TBL1XR1: variants seen among roughly 807,000 people sequenced by gnomAD.
TBL1XR1 encodes F-box-like/WD repeat-containing protein TBL1XR1.
In TBL1XR1, 5 loss-of-function variants were observed where a neutral mutation model predicts 66.9. That is an observed-to-expected ratio of 0.07 (90% CI 0.04 to 0.16). The LOEUF (loss-of-function observed/expected upper bound fraction) is 0.16. TBL1XR1 is among the 10% of genes least tolerant of loss of function. TBL1XR1 has a pLI of 1.00. For missense variants in TBL1XR1, 238 were observed against 623.2 expected (o/e 0.38, Z 6.58); for synonymous variants, 210 against 206.0 (o/e 1.02, Z -0.17).
At chr3:177,181,025 G>A (rs1285208332) in intron 1 of TBL1XR1, among the ~76,000 whole-genome samples, 3 of 151,986 alleles carry the variant, frequency 2.0e-5, no homozygotes, top group Admixed American at 6.6e-5. Context: ...GTGACCCATG[G>A]CACTGGACCC....
chr3:177,122,436 A>G (rs991604104), intron 1 of TBL1XR1, among the ~76,000 whole-genome samples: 5 of 152,138 alleles, frequency 3.3e-5, no homozygotes, highest in African/African-American at 1.2e-4. Flanking sequence ...TGAAAATTGC[A>G]AAGTAATGAC....
At chr3:177,132,539 AG>A (rs1728429575) in intron 1 of TBL1XR1, among the ~76,000 whole-genome samples, 1 of 152,202 alleles carries the variant, frequency 6.6e-6, no homozygotes, top group Non-Finnish European at 1.5e-5. Context: ...CTGTTAACAG[AG>A]ATGGGGGGAA....
At chr3:177,084,087 C>CAAAAAAAA (rs36022409) in intron 2 of TBL1XR1, among the ~76,000 whole-genome samples, 1 of 74,064 alleles carries the variant, frequency 1.4e-5, no homozygotes, top group African/African-American at 5.1e-5. Context: ...GACTCCGTCT[C>CAAAAAAAA]AAAAAAAAAA....
In TBL1XR1 at chr3:177,140,910, T is replaced by C. The variant is rs541188904; in HGVS notation, c.-121-42369A>G. Reference sequence around the variant, plus strand: ...GAGATTTTTTTGCGATTTTGTTTTCTAGCTCATCACCTATCATTAGTGTAT... The same window carrying C: ...GAGATTTTTTTGCGATTTTGTTTTCCAGCTCATCACCTATCATTAGTGTAT... On this transcript the variant is annotated intron_variant, in intron 1 of 15. Coordinates refer to ENST00000457928, the MANE Select transcript of TBL1XR1 (RefSeq NM_024665.7). 2.6e-5 allele frequency among the ~76,000 whole-genome samples: 4 copies of C among 152,378 alleles called. No individual in the cohort carries two copies. In the South Asian group the frequency reaches 8.3e-4, roughly 32 times the overall value.
intron 13 of TBL1XR1, 22 bp from the exon 14 acceptor site, chr3:177,033,158 G>A (rs1353859231): frequency 6.7e-7 from 1 of 1,492,806 alleles, no homozygotes; most frequent in Non-Finnish European, 9.0e-7. Context: ...AGGAAAGAAA[G>A]TTAATTTATA....
chr3:177,138,884 C>T (rs1373568437), intron 1 of TBL1XR1, among the ~76,000 whole-genome samples: 4 of 152,132 alleles, frequency 2.6e-5, no homozygotes, highest in African/African-American at 7.2e-5. Flanking sequence ...GACTCCTCAC[C>T]CATACTCCCT....
chr3:177,093,558 C>T (rs1723094235), intron 2 of TBL1XR1, among the ~76,000 whole-genome samples: 1 of 152,146 alleles, frequency 6.6e-6, no homozygotes, highest in African/African-American at 2.4e-5. Flanking sequence ...CATCACATTA[C>T]CTGATCTCAA....
At chr3:177,098,433 G>A (rs571829712) in intron 2 of TBL1XR1, 33 bp downstream of exon 2, 1 of 974,658 alleles carries the variant, frequency 1.0e-6, no homozygotes, top group South Asian at 4.7e-5. Context: ...AAGAGAATAA[G>A]AAACACTGAC....
intron 1 of TBL1XR1, among the ~76,000 whole-genome samples, chr3:177,141,328 T>C (rs74687622): frequency 6.6e-6 from 1 of 152,210 alleles, no homozygotes; most frequent in Non-Finnish European, 1.5e-5. Flanking sequence ...TCTAAAAAGT[T>C]ATGGTAAGTC....
chr3:177,082,905 AC>A (rs1721614650), intron 2 of TBL1XR1, among the ~76,000 whole-genome samples: 1 of 150,774 alleles, frequency 6.6e-6, no homozygotes, highest in Non-Finnish European at 1.5e-5. Context: ...ACAGGCGACC[AC>A]CACCACATCT....
At chr3:177,091,180 A>C (rs937191741) in intron 2 of TBL1XR1, 8 of 152,162 alleles carry the variant, frequency 5.3e-5, no homozygotes, top group African/African-American at 1.9e-4. Flanking sequence ...CTGTAATCCC[A>C]CTGAGACGTG....
At chr3:177,038,519 T>C in intron 10 of TBL1XR1, 85 bp from the exon 11 acceptor site, 1 of 1,282,648 alleles carries the variant, frequency 7.8e-7, no homozygotes, top group Non-Finnish European at 1.0e-6. Context: ...TGTTGACTAA[T>C]AAAATATACT....
At chr3:177,095,275 C>T (rs1483295388) in intron 2 of TBL1XR1, among the ~76,000 whole-genome samples, 2 of 151,748 alleles carry the variant, frequency 1.3e-5, no homozygotes, top group African/African-American at 2.4e-5. Context: ...AATGGGTATA[C>T]GGTTTTGGTT....
chr3:177,051,440 T>C (rs986697114), intron 5 of TBL1XR1, 64 bp downstream of exon 5: 4 of 1,450,712 alleles, frequency 2.8e-6, no homozygotes, highest in African/African-American at 1.5e-5. Flanking sequence ...TACCCCGAAT[T>C]AAAAGTTTAA....
rs549475223 is a variant in TBL1XR1, at chr3:177,109,118, G to GA, written c.-121-10578dup. Among the ~76,000 whole-genome samples the GA allele has an allele frequency of 5.5e-4, 84 of 151,954 alleles. No homozygotes were observed. The South Asian group carries it at 7.5e-3, about 14-fold the overall frequency. ...AATCTAATTCACAGATAAATATGGG[G>GA]AAAAAACAAGTAAATTGTATATTTG... On this transcript the variant is annotated intron_variant, in intron 1 of 15. Transcript: ENST00000457928.
At chr3:177,088,146 A>C (rs545251237) in intron 2 of TBL1XR1, among the ~76,000 whole-genome samples, 3 of 152,354 alleles carry the variant, frequency 2.0e-5, no homozygotes, top group South Asian at 4.1e-4. Flanking sequence ...TTTTAAAATG[A>C]AAATAGTAAT....
chr3:177,030,862 A>G (rs1370806582), intron 14 of TBL1XR1, among the ~76,000 whole-genome samples: 2 of 152,236 alleles, frequency 1.3e-5, no homozygotes, highest in Non-Finnish European at 2.9e-5. Context: ...CTGTAATCCC[A>G]GCACTTTGGG....
At chr3:177,188,260 T>A (rs941163653) in intron 1 of TBL1XR1, among the ~76,000 whole-genome samples, 7 of 151,930 alleles carry the variant, frequency 4.6e-5, no homozygotes, top group Non-Finnish European at 8.8e-5. Context: ...AAAAAAGAAT[T>A]ACTGTCCAGG....
At chr3:177,089,378 C>T (rs910349832) in intron 2 of TBL1XR1, among the ~76,000 whole-genome samples, 26 of 152,202 alleles carry the variant, frequency 1.7e-4, no homozygotes, top group African/African-American at 6.3e-4. Context: ...AACTGCCTAA[C>T]TCCCAGACTA....
Sources: gnomAD v4.1 joint callset for allele counts (sites outside exome capture counted in the v4.1 genomes callset) on GRCh38, gnomAD v4.1.1 for gene constraint, MANE v1.5 for transcripts, NCBI Gene and HGNC (gene_info 2026-07-23, HGNC 2026-07-21) for gene names.